CSPG5: variants seen among roughly 807,000 people sequenced by gnomAD.
CSPG5 encodes chondroitin sulfate proteoglycan 5, also known as acidic leucine-rich EGF-like domain-containing brain protein.
A neutral mutation model predicts 39.8 loss-of-function variants in CSPG5; 25 were observed. The ratio of observed to expected loss-of-function variants is 0.63; its 90% CI spans 0.46 to 0.88. CSPG5 has a LOEUF of 0.88. CSPG5 is among the 40% of genes least tolerant of loss of function. The pLI, the probability that CSPG5 is intolerant of heterozygous loss-of-function variation, is 0.00. For missense variants in CSPG5, 627 were observed against 702.2 expected (o/e 0.89, Z 1.21); for synonymous variants, 295 against 303.9 (o/e 0.97, Z 0.31).
intron 4 of CSPG5, among the ~76,000 whole-genome samples, chr3:47,567,063 C>A (rs2031331307): frequency 6.6e-6 from 1 of 152,202 alleles, no homozygotes. Context: ...GGCTGTGTAG[C>A]CAAGCCCTCC....
Position 47,578,534 on chromosome 3 carries a change from G to T in CSPG5, c.97+63C>A. The stretch of plus-strand genomic sequence containing the variant: ...ACAGCTCCACCTGTCCCCGCCGCCA[G>T]CGGGACCCCTGCCCTGGGTGGGGCA... On this transcript the variant is annotated intron_variant, in intron 1 of 4. Coordinates refer to ENST00000264723, the MANE Select transcript of CSPG5 (RefSeq NM_006574.4). This position sits in a 1 kb window ranked among gnomAD's most constrained non-coding sequence, Gnocchi z 6.0. 2 of 533,878 alleles carry T rather than the reference G, an allele frequency of 3.7e-6. No homozygotes were observed. The highest frequency in any genetic ancestry group is 8.5e-5 in the South Asian group (1 of 11,770). The allele number at this position is 533,878 out of a possible 1,614,324, so 33.1% of individuals were successfully genotyped here. A position where few individuals can be genotyped will look rare whatever the true frequency, so the allele number is the denominator to read the frequency against.
chr3:47,575,675 T>C (rs766237480), intron 2 of CSPG5, among the ~76,000 whole-genome samples: 8 of 152,160 alleles, frequency 5.3e-5, no homozygotes, highest in Non-Finnish European at 1.0e-4. Flanking sequence ...ATTTTATCTG[T>C]GTGAGTGGCT....
In CSPG5 at chr3:47,562,603, G is replaced by T. The variant is rs1476066797; in HGVS notation, c.1617C>A (p.Thr539=). 7 of 1,611,632 alleles carry T rather than the reference G, an allele frequency of 4.3e-6. No individual in the cohort carries two copies. The Admixed American group carries it at 8.4e-5, about 19-fold the overall frequency. The change falls in exon 5 of 5, where the codon ACC becomes ACA. Residue 539 remains threonine, a synonymous_variant. Transcript: ENST00000264723. ...CTTCCTCTCTTCTTGCTCTGCTTTAGGTTAAATTATTCTGAAGACAGTTCA... is the reference window on the plus strand; with the variant it reads ...CTTCCTCTCTTCTTGCTCTGCTTTATGTTAAATTATTCTGAAGACAGTTCA... The part of the protein sequence containing the change: ...LDVNCLQNNL[T]
chr3:47,572,713 G>A lies in CSPG5; in HGVS notation c.1355C>T (p.Thr452Met), dbSNP rs201603317. The stretch of plus-strand genomic sequence containing the variant: ...GGTCCTACGCAGCTTGGTATTCTCC[G>A]TCTTGAGCAGGTAGAGCTTCTTGGC... ...FFAKKLYLLK[T>M]ENTKLRRTNK... Residue 452 changes from threonine to methionine, a missense_variant, in exon 3 of 5, where the codon ACG (threonine) becomes ATG (methionine). By Grantham distance (81) the Thr-to-Met change is moderately conservative. Coordinates refer to ENST00000264723, the MANE Select transcript of CSPG5 (RefSeq NM_006574.4). The surrounding 1 kb of genome is among the most constrained non-coding windows in gnomAD (Gnocchi z 4.5). 15 of 1,614,160 alleles carry A rather than the reference G, an allele frequency of 9.3e-6. No homozygotes were observed. Among genetic ancestry groups the A allele is most frequent in the Middle Eastern group, 1.7e-4 (1 of 6,058 alleles).
rs532154577 is a variant in CSPG5, at chr3:47,562,700, T to G, written c.1520A>C (p.Glu507Ala). Residue 507 changes from glutamate to alanine, a missense_variant, in exon 5 of 5, where the codon GAG becomes GCG. Transcript: ENST00000264723. ...CATGGAGTTCTGGATGTTAAATGAC[T>G]CCTCCTCTTTCAGGCAGGACTTGAG... Reference protein sequence around the residue: ...EVLKSCLKEEESFNIQNSMSP... With the variant: ...EVLKSCLKEEASFNIQNSMSP... 1 of 1,613,694 alleles carries G rather than the reference T, an allele frequency of 6.2e-7. No individual in the cohort carries two copies. Among genetic ancestry groups the G allele is most frequent in the African/African-American group, 1.3e-5 (1 of 74,888 alleles).
At position 47,562,680 on chromosome 3, in the gene CSPG5, A is replaced by G. The variant is rs1249179458; in HGVS notation, c.1540T>C (p.Ser514Pro). Residue 514 changes from serine (S) to proline (P), a missense_variant, in exon 5 of 5, where the codon TCC becomes CCC. Coordinates refer to ENST00000264723, the MANE Select transcript of CSPG5 (RefSeq NM_006574.4). ...KEEESFNIQNSMSPKLEGGKG... is the reference protein window; with the variant it reads ...KEEESFNIQNPMSPKLEGGKG... ...CCACCCTCAAGTTTGGGCGACATGG[A>G]GTTCTGGATGTTAAATGACTCCTCC... 21 of 1,613,338 alleles carry G rather than the reference A, an allele frequency of 1.3e-5. No individual in the cohort carries two copies. The highest frequency in any genetic ancestry group is 1.8e-5 in the Non-Finnish European group (21 of 1,179,828).
chr3:47,565,995 C>T (rs533463760), intron 4 of CSPG5, among the ~76,000 whole-genome samples: 2 of 152,314 alleles, frequency 1.3e-5, no homozygotes, highest in Admixed American at 6.5e-5. Flanking sequence ...GCTACAGAGC[C>T]GCACATCAGC....
chr3:47,578,104 C>G lies in CSPG5; in HGVS notation c.98-176G>C. 2.0e-6 allele frequency: 2 copies of G among 991,402 alleles called. No individual in the cohort carries two copies. Among genetic ancestry groups the G allele is most frequent in the African/African-American group, 1.7e-5 (1 of 59,238 alleles). 61.4% of individuals were successfully genotyped at this position (991,402 alleles called of 1,614,324 possible). On this transcript the variant is annotated intron_variant, in intron 1 of 4. Transcript: ENST00000264723. The surrounding 1 kb of genome is among the most constrained non-coding windows in gnomAD (Gnocchi z 6.0). ...CACCCGGTACCTCTAAGCCCCGTCC[C>G]GGAGTCTGCCCCCAAGACGAGGATC...
At chr3:47,565,274 G>C (rs1230765646) in intron 4 of CSPG5, among the ~76,000 whole-genome samples, 1 of 152,128 alleles carries the variant, frequency 6.6e-6, no homozygotes, top group Non-Finnish European at 1.5e-5. Flanking sequence ...AAAAGCAAGA[G>C]ATATGCAAAC....
At chr3:47,570,843 T>C (rs1302069543) in intron 3 of CSPG5, among the ~76,000 whole-genome samples, 1 of 152,200 alleles carries the variant, frequency 6.6e-6, no homozygotes, top group Non-Finnish European at 1.5e-5. Flanking sequence ...ATACTTGAAG[T>C]AGTTCATTTA....
intron 4 of CSPG5, among the ~76,000 whole-genome samples, chr3:47,568,681 C>G (rs1248138558): frequency 2.6e-5 from 4 of 152,096 alleles, no homozygotes; most frequent in Non-Finnish European, 4.4e-5. Flanking sequence ...AATCAGACTT[C>G]TAAAGCTTAG....
chr3:47,568,127 ACTT>A (rs1451353219), intron 4 of CSPG5, among the ~76,000 whole-genome samples: 1 of 152,156 alleles, frequency 6.6e-6, no homozygotes, highest in Non-Finnish European at 1.5e-5. Context: ...ATTTCTAAGA[ACTT>A]CTTCTAAATT....
rs548312605 is a variant in CSPG5, at chr3:47,562,786, G to T, written c.1459-25C>A. On this transcript the variant is annotated intron_variant, in intron 4 of 4. Transcript: ENST00000264723. The stretch of plus-strand genomic sequence containing the variant: ...CCTGGAAGAGGGAAAAAGTTGGGGG[G>T]GGGGAGACAATGCATACAGCAACCA... 3.7e-5 allele frequency: 58 copies of T among 1,577,698 alleles called. No homozygotes were observed. In the Middle Eastern group the frequency reaches 5.9e-4, roughly 16 times the overall value.
chr3:47,569,168 T>A lies in CSPG5; in HGVS notation c.1442A>T (p.Glu481Val). 6.2e-7 allele frequency: 1 copy of A among 1,612,130 alleles called. No homozygotes were observed. The highest frequency in any genetic ancestry group is 8.5e-7 in the Non-Finnish European group (1 of 1,179,146). ...TTTCCTTACATTTGGGTGAGAGCCC[T>A]CGGCAATGGTGGAGAGGGAGAAGTT... ...NDNFSLSTIAEGSHPNDDPSA... is the reference protein window; with the variant it reads ...NDNFSLSTIAVGSHPNDDPSA... The change falls in exon 4 of 5, where the codon GAG becomes GTG. Residue 481 changes from glutamate (E) to valine (V), a missense_variant. Transcript: ENST00000264723.
At position 47,572,342 on chromosome 3, in the gene CSPG5, G is replaced by T. The variant is rs900984629; in HGVS notation, c.1382+344C>A. On this transcript the variant is annotated intron_variant, in intron 3 of 4. Coordinates refer to ENST00000264723, the MANE Select transcript of CSPG5 (RefSeq NM_006574.4). This position sits in a 1 kb window ranked among gnomAD's most constrained non-coding sequence, Gnocchi z 4.5. ...CCAGGGAAGAAGGGTCTATCAGGCA[G>T]GTGGGCAGACTGAGTAACTTACCTG... is the stretch of plus-strand genomic sequence containing the variant. Among the ~76,000 whole-genome samples, 9 of 152,224 alleles carry T rather than the reference G, an allele frequency of 5.9e-5. No individual in the cohort carries two copies. The highest frequency in any genetic ancestry group is 3.9e-4 in the Admixed American group (6 of 15,286).
rs1168847409 is a variant in CSPG5, at chr3:47,577,225, G to A, written c.801C>T (p.Pro267=). The A allele has an allele frequency of 2.5e-6, 4 of 1,608,164 alleles. No homozygotes were observed. The South Asian group carries it at 4.4e-5, about 18-fold the overall frequency. ...FTPFDESDFY[P]TTSFYDDLDE... is the part of the protein sequence containing the mutation. ...CCAAGTCATCATAAAAGGATGTGGTGGGGTAGAAATCAGATTCATCGAAGG... is the reference window on the plus strand; with the variant it reads ...CCAAGTCATCATAAAAGGATGTGGTAGGGTAGAAATCAGATTCATCGAAGG... Residue 267 remains proline, a synonymous_variant, in exon 2 of 5, where the codon CCC becomes CCT. Coordinates refer to ENST00000264723, the MANE Select transcript of CSPG5 (RefSeq NM_006574.4). This position sits in a 1 kb window ranked among gnomAD's most constrained non-coding sequence, Gnocchi z 4.7.
rs2031816661 is a variant in CSPG5, at chr3:47,577,658, A to G, written c.368T>C (p.Leu123Pro). The change falls in exon 2 of 5, where the codon CTT becomes CCT. Residue 123 changes from leucine to proline, a missense_variant. Physicochemically the swap from Leu to Pro is moderately conservative, Grantham distance 98. Transcript: ENST00000264723. The surrounding 1 kb of genome is among the most constrained non-coding windows in gnomAD (Gnocchi z 4.7). Reference protein sequence around the residue: ...AEAGSGDAQALPATLQAPHEV... With the variant: ...AEAGSGDAQAPPATLQAPHEV... ...GTGGGGAGCCTGGAGCGTAGCTGGA[A>G]GGGCCTGGGCATCGCCGCTGCCCGC... The G allele has an allele frequency of 6.2e-7, 1 of 1,606,662 alleles. No homozygotes were observed. The highest frequency in any genetic ancestry group is 1.1e-5 in the South Asian group (1 of 90,264).
In CSPG5 at chr3:47,578,318, C is replaced by T. The variant is rs2108212387; in HGVS notation, c.97+279G>A. ...CCGAAGTCTCACCCTCAGGCCCCGC[C>T]CCGGCCCCGCCCCGGCCCCGCCCCC... On this transcript the variant is annotated intron_variant, in intron 1 of 4. Coordinates refer to ENST00000264723, the MANE Select transcript of CSPG5 (RefSeq NM_006574.4). This position sits in a 1 kb window ranked among gnomAD's most constrained non-coding sequence, Gnocchi z 6.0. Among the ~76,000 whole-genome samples, 1 of 149,070 alleles carries T rather than the reference C, an allele frequency of 6.7e-6. No homozygotes were observed. The highest frequency in any genetic ancestry group is 1.5e-5 in the Non-Finnish European group (1 of 66,620).
rs865844420 is a variant in CSPG5 at position 47,578,039 on chromosome 3, T to A, written c.98-111A>T. 3 of 1,317,080 alleles carry A rather than the reference T, an allele frequency of 2.3e-6. No individual in the cohort carries two copies. The South Asian group carries it at 6.5e-5, about 29-fold the overall frequency. The allele number at this position is 1,317,080 out of a possible 1,614,324, so 81.6% of individuals were successfully genotyped here. ...CGCCTAGACCTGGTCAACCCAGACC[T>A]CGCCACCCTCAGACCCCACCGCCCC... On this transcript the variant is annotated intron_variant, in intron 1 of 4. Transcript: ENST00000264723. This position sits in a 1 kb window ranked among gnomAD's most constrained non-coding sequence, Gnocchi z 6.0.
Sources: gnomAD v4.1 joint callset for allele counts (sites outside exome capture counted in the v4.1 genomes callset) on GRCh38, gnomAD v4.1.1 for gene constraint, Gnocchi (gnomAD v3.1) non-coding constraint, MANE v1.5 for transcripts, NCBI Gene and HGNC (gene_info 2026-07-23, HGNC 2026-07-21) for gene names.